Variants in SND1 observed in about 807,000 individuals in gnomAD.
SND1 encodes staphylococcal nuclease and tudor domain containing 1, also known as staphylococcal nuclease domain-containing protein 1.
Under a neutral mutation model 121.7 loss-of-function variants are expected in SND1, and 38 were observed. That is an observed-to-expected ratio of 0.31 (90% confidence interval 0.24 to 0.41). SND1 has a LOEUF of 0.41. SND1 is among the 10% of genes least tolerant of loss of function. SND1 has a pLI of 1.00. For missense variants in SND1, 868 were observed against 1,184.6 expected, an observed-to-expected ratio of 0.73 and a Z score of 3.92; for synonymous variants, 401 against 447.4, an observed-to-expected ratio of 0.90 and a Z score of 1.31.
At chr7:127,739,398 T>C (rs1014822913) in intron 10 of SND1, among the ~76,000 whole-genome samples, 1 of 152,202 alleles carries the variant, frequency 6.6e-6, no homozygotes, top group East Asian at 1.9e-4. Context: ...ATTTATTTTA[T>C]TGTCTTTTTT....
At chr7:127,941,331 C>A (rs1234022704) in intron 15 of SND1, among the ~76,000 whole-genome samples, 1 of 152,138 alleles carries the variant, frequency 6.6e-6, no homozygotes, top group Non-Finnish European at 1.5e-5. Context: ...AGAAAACTTT[C>A]TATTCAAGCT....
chr7:127,877,138 A>C (rs1799705600), intron 12 of SND1, among the ~76,000 whole-genome samples: 1 of 152,180 alleles, frequency 6.6e-6, no homozygotes, highest in Non-Finnish European at 1.5e-5. Context: ...TTATAAAGCC[A>C]TAACCATGAT....
intron 16 of SND1, among the ~76,000 whole-genome samples, chr7:128,066,171 G>C (rs1793310423): frequency 6.6e-6 from 1 of 152,176 alleles, no homozygotes; most frequent in South Asian, 2.1e-4. Context: ...GACCGAAGCT[G>C]CCCCCCTACC....
intron 2 of SND1, among the ~76,000 whole-genome samples, chr7:127,691,181 C>T (rs185257991): frequency 1.3e-4 from 19 of 151,916 alleles, no homozygotes; most frequent in Admixed American, 9.2e-4. Context: ...ATTCATTTAA[C>T]TAAACACCAC....
intron 16 of SND1, among the ~76,000 whole-genome samples, chr7:128,009,774 T>C (rs757028884): frequency 4.0e-5 from 3 of 74,380 alleles, no homozygotes; most frequent in Non-Finnish European, 1.1e-4. Flanking sequence ...TCTCAATAAC[T>C]TTTTTTTTTT....
chr7:128,066,669 G>A (rs1793320667), intron 16 of SND1, among the ~76,000 whole-genome samples: 1 of 152,204 alleles, frequency 6.6e-6, no homozygotes, highest in African/African-American at 2.4e-5. Context: ...GTGTGGCTGT[G>A]TGTGACCGGG....
chr7:127,834,796 T>A (rs566683465), intron 11 of SND1, among the ~76,000 whole-genome samples: 1 of 152,352 alleles, frequency 6.6e-6, no homozygotes, highest in South Asian at 2.1e-4. Context: ...CATCATTATA[T>A]ACATCCTTGA....
chr7:127,804,115 A>G (rs1200798025), intron 10 of SND1, among the ~76,000 whole-genome samples: 1 of 152,172 alleles, frequency 6.6e-6, no homozygotes, highest in Non-Finnish European at 1.5e-5. Flanking sequence ...AATTGAGAAT[A>G]CATTCCATAC....
At chr7:127,958,745 C>T (rs185946164) in intron 15 of SND1, among the ~76,000 whole-genome samples, 8 of 152,262 alleles carry the variant, frequency 5.3e-5, no homozygotes, top group African/African-American at 9.6e-5. Context: ...CTGCTTTCCC[C>T]GCCTCTGTAG....
At chr7:128,028,558 A>T in intron 16 of SND1, 1 of 888,146 alleles carries the variant, frequency 1.1e-6, no homozygotes, top group Non-Finnish European at 1.7e-6. Context: ...TGTTTTTTTT[A>T]ACCAGCCCAT....
chr7:127,858,343 C>A, intron 12 of SND1: 2 of 1,336,534 alleles, frequency 1.5e-6, no homozygotes, highest in East Asian at 2.5e-5. Context: ...CTCGGGCCCC[C>A]AGATGCCTCA....
At chr7:127,906,652 C>G (rs771905846) in intron 14 of SND1, among the ~76,000 whole-genome samples, 11 of 152,142 alleles carry the variant, frequency 7.2e-5, no homozygotes, top group Non-Finnish European at 1.5e-4. Context: ...GATAGGCTCT[C>G]TCCTTGGGCC....
Position 127,831,651 on chromosome 7 carries a change from G to A in SND1, c.1243-12673G>A, listed in dbSNP as rs149858792. On this transcript the variant is annotated intron_variant, in intron 11 of 23. Coordinates refer to ENST00000354725, the MANE Select transcript of SND1 (RefSeq NM_014390.4). Reference sequence around the variant, plus strand: ...TGGCAGACATTACTGAGCAGTGACCGTGGCCTCAGTGTGGGAACTATTGTG... The same window carrying A: ...TGGCAGACATTACTGAGCAGTGACCATGGCCTCAGTGTGGGAACTATTGTG... Among the ~76,000 whole-genome samples, 8 of 152,322 alleles carry A rather than the reference G, an allele frequency of 5.3e-5. No homozygotes were observed. The East Asian group carries it at 9.6e-4, about 18-fold the overall frequency.
At chr7:128,021,524 A>T (rs949728293) in intron 16 of SND1, among the ~76,000 whole-genome samples, 1 of 152,234 alleles carries the variant, frequency 6.6e-6, no homozygotes, top group African/African-American at 2.4e-5. Flanking sequence ...AAGACTGGGA[A>T]GAAGTAGCCC....
intron 10 of SND1, among the ~76,000 whole-genome samples, chr7:127,728,401 T>C (rs1404243323): frequency 6.6e-6 from 1 of 152,232 alleles, no homozygotes; most frequent in Non-Finnish European, 1.5e-5. Flanking sequence ...ATTTCTTGTC[T>C]CTTCTCAGTC....
chr7:127,832,573 C>T (rs1053617869), intron 11 of SND1, among the ~76,000 whole-genome samples: 4 of 152,176 alleles, frequency 2.6e-5, no homozygotes, highest in African/African-American at 4.8e-5. Context: ...TCTGTCACAG[C>T]GCAGGACATC....
intron 11 of SND1, among the ~76,000 whole-genome samples, chr7:127,834,510 G>A (rs913583738): frequency 2.0e-5 from 3 of 152,088 alleles, no homozygotes; most frequent in South Asian, 4.1e-4. Context: ...GTCTTTGATC[G>A]GTGTCTGTGA....
chr7:127,914,772 C>T (rs1800536415), intron 14 of SND1, among the ~76,000 whole-genome samples: 1 of 152,136 alleles, frequency 6.6e-6, no homozygotes, highest in South Asian at 2.1e-4. Flanking sequence ...AGTATGGGGT[C>T]ATGATTATTA....
chr7:128,033,397 C>T (rs1414259929), intron 16 of SND1, among the ~76,000 whole-genome samples: 1 of 152,176 alleles, frequency 6.6e-6, no homozygotes, highest in Non-Finnish European at 1.5e-5. Context: ...GAGCTGCCTC[C>T]AGACTCCTCA....
Sources: gnomAD v4.1 joint callset for allele counts (sites outside exome capture counted in the v4.1 genomes callset) on GRCh38, gnomAD v4.1.1 for gene constraint, MANE v1.5 for transcripts, NCBI Gene and HGNC (gene_info 2026-07-23, HGNC 2026-07-21) for gene names.